Variants in ZNF831 observed in about 807,000 individuals in gnomAD.
ZNF831 encodes zinc finger protein 831.
ZNF831 carries 59 observed loss-of-function variants against 95.8 expected under a neutral mutation model. The ratio of observed to expected loss-of-function variants is 0.62; its 90% CI spans 0.50 to 0.77. The LOEUF is 0.77. Ranked by LOEUF, ZNF831 falls within the 30% of genes least tolerant of loss-of-function variation. ZNF831 has a pLI of 0.00. For missense variants in ZNF831, 2,205 were observed against 2,164.0 expected (o/e 1.02, Z -0.38); for synonymous variants, 961 against 925.5 (o/e 1.04, Z -0.70).
intron 1 of ZNF831, among the ~76,000 whole-genome samples, chr20:59,140,482 A>G: frequency 7.1e-6 from 1 of 141,358 alleles, no homozygotes; most frequent in East Asian, 1.9e-4. Flanking sequence ...TTCATAAATC[A>G]CCTGACTACT....
rs753975499 is a variant in ZNF831, at chr20:59,192,843, C to A, written c.1824C>A (p.Gly608=). ...GCAGAGCGGGCGGCAGGAAGTGCGGCCAGAGAAGGCTGAAGATGTTCTCCC... is the reference window on the plus strand; with the variant it reads ...GCAGAGCGGGCGGCAGGAAGTGCGGACAGAGAAGGCTGAAGATGTTCTCCC... The part of the protein sequence containing the change: ...GKGRAGGRKC[G]QRRLKMFSQE... Residue 608 remains glycine (G), a synonymous_variant, in exon 2 of 6, where the codon GGC becomes GGA. Transcript: ENST00000371030. The surrounding 1 kb of genome is among the most constrained non-coding windows in gnomAD (Gnocchi z 5.2). 1.9e-6 allele frequency: 3 copies of A among 1,605,010 alleles called. No individual in the cohort carries two copies. The highest frequency in any genetic ancestry group is 2.6e-6 in the Non-Finnish European group (3 of 1,176,038).
rs1988095969 is a variant in ZNF831, at chr20:59,254,707, C to T, written c.4998C>T (p.Ser1666=). 6.2e-7 allele frequency: 1 copy of T among 1,613,240 alleles called. No individual in the cohort carries two copies. Among genetic ancestry groups the T allele is most frequent in the Non-Finnish European group, 8.5e-7 (1 of 1,179,778 alleles). Residue 1666 remains serine, a synonymous_variant, in exon 6 of 6, where the codon AGC becomes AGT. Transcript: ENST00000371030. The surrounding 1 kb of genome is among the most constrained non-coding windows in gnomAD (Gnocchi z 4.5). The part of the protein sequence containing the change: ...KQTRVEFSDT[S]SDDEDRLVIE... ...CTCGAGTAGAGTTCAGTGACACCAG[C>T]AGCGACGATGAAGACCGATTAGTTA...
Position 59,192,419 on chromosome 20 carries a change from C to A in ZNF831, c.1400C>A (p.Pro467Gln), listed in dbSNP as rs1179775792. 6.2e-7 allele frequency: 1 copy of A among 1,611,096 alleles called. No homozygotes were observed. Among genetic ancestry groups the A allele is most frequent in the Non-Finnish European group, 8.5e-7 (1 of 1,179,010 alleles). The change falls in exon 2 of 6, where the codon CCG becomes CAG. Residue 467 changes from proline (P) to glutamine (Q), a missense_variant. By Grantham distance (76) the Pro-to-Gln change is moderately conservative. Transcript: ENST00000371030. The surrounding 1 kb of genome is among the most constrained non-coding windows in gnomAD (Gnocchi z 5.2). ...RALEPGRRRA[P>Q]GPVRSTWTPP... ...CTGGAGCCAGGCCGTAGGAGGGCCC[C>A]GGGCCCCGTGCGCTCCACCTGGACG...
Position 59,192,428 on chromosome 20 carries a change from T to G in ZNF831, c.1409T>G (p.Val470Gly), listed in dbSNP as rs1983657578. The change falls in exon 2 of 6, where the codon GTG becomes GGG. Residue 470 changes from valine (V) to glycine (G), a missense_variant. Coordinates refer to ENST00000371030, the MANE Select transcript of ZNF831 (RefSeq NM_178457.3). The surrounding 1 kb of genome is among the most constrained non-coding windows in gnomAD (Gnocchi z 5.2). ...EPGRRRAPGP[V>G]RSTWTPPDKS... ...GGCCGTAGGAGGGCCCCGGGCCCCGTGCGCTCCACCTGGACGCCCCCAGAC... is the reference window on the plus strand; with the variant it reads ...GGCCGTAGGAGGGCCCCGGGCCCCGGGCGCTCCACCTGGACGCCCCCAGAC... 6.2e-7 allele frequency: 1 copy of G among 1,609,678 alleles called. No individual in the cohort carries two copies. Among genetic ancestry groups the G allele is most frequent in the Admixed American group, 1.7e-5 (1 of 59,514 alleles).
chr20:59,211,049 GA>G lies in ZNF831; in HGVS notation c.4027+4009del, dbSNP rs529852271. Among the ~76,000 whole-genome samples, 103 of 60,748 alleles carry G rather than the reference GA, an allele frequency of 1.7e-3. 6 individuals are homozygous for G. The highest frequency in any genetic ancestry group is 0.024 in the Middle Eastern group (2 of 82). The allele number at this position is 60,748 out of a possible 152,430, so 39.9% of individuals were successfully genotyped here. On this transcript the variant is annotated intron_variant, in intron 4 of 5. Coordinates refer to ENST00000371030, the MANE Select transcript of ZNF831 (RefSeq NM_178457.3). ...AGCGAGACTCCGTCTCAAAAAAAAA[GA>G]AAAAAAAAAAAAAAACAAATCCAAG...
intron 4 of ZNF831, among the ~76,000 whole-genome samples, chr20:59,214,828 T>G (rs370786382): frequency 1.3e-5 from 2 of 152,244 alleles, no homozygotes; most frequent in South Asian, 2.1e-4. Flanking sequence ...GGTAGGGGGA[T>G]GAAGGCAACG....
At chr20:59,247,032 G>T (rs1987646269) in intron 4 of ZNF831, among the ~76,000 whole-genome samples, 1 of 152,100 alleles carries the variant, frequency 6.6e-6, no homozygotes, top group Non-Finnish European at 1.5e-5. Flanking sequence ...TCGTAAAGAG[G>T]CTTCATAAAC....
rs756976813 is a variant in ZNF831, at chr20:59,207,087, T to G, written c.4027+31T>G. On this transcript the variant is annotated intron_variant, in intron 4 of 5. Coordinates refer to ENST00000371030, the MANE Select transcript of ZNF831 (RefSeq NM_178457.3). ...GCTCTCTTTGGAGGTGCATCCAGAC[T>G]GGGCACTCGAAGGCACCCGCCCAAG... 6.8e-6 allele frequency: 11 copies of G among 1,607,150 alleles called. No individual in the cohort carries two copies. The South Asian group carries it at 1.2e-4, about 18-fold the overall frequency.
intron 4 of ZNF831, among the ~76,000 whole-genome samples, chr20:59,246,450 T>G (rs1987613976): frequency 6.6e-6 from 1 of 152,252 alleles, no homozygotes; most frequent in African/African-American, 2.4e-5. Context: ...CAAGAAACTT[T>G]TAAAAGAATG....
intron 4 of ZNF831, among the ~76,000 whole-genome samples, chr20:59,251,374 G>T (rs922128860): frequency 1.3e-5 from 2 of 152,126 alleles, no homozygotes; most frequent in Middle Eastern, 3.2e-3. Context: ...AAATCATATT[G>T]TCTCCAGACT....
chr20:59,213,191 A>G (rs765447086), intron 4 of ZNF831, among the ~76,000 whole-genome samples: 2 of 152,154 alleles, frequency 1.3e-5, no homozygotes, highest in Non-Finnish European at 2.9e-5. Flanking sequence ...CTACCCTACA[A>G]TTTTATGTAA....
intron 1 of ZNF831, among the ~76,000 whole-genome samples, chr20:59,131,976 T>C (rs894582676): frequency 5.3e-5 from 8 of 152,220 alleles, no homozygotes; most frequent in African/African-American, 1.9e-4. Context: ...CAGGAAAGCA[T>C]AAAGATAAAA....
At chr20:59,184,928 G>GT (rs1184419850) in intron 1 of ZNF831, among the ~76,000 whole-genome samples, 3 of 152,266 alleles carry the variant, frequency 2.0e-5, no homozygotes, top group South Asian at 2.1e-4. Context: ...ATAACTGTTT[G>GT]TGGGGGGGAA....
At chr20:59,166,299 C>T (rs1310214728) in intron 1 of ZNF831, among the ~76,000 whole-genome samples, 1 of 152,112 alleles carries the variant, frequency 6.6e-6, no homozygotes, top group Non-Finnish European at 1.5e-5. Context: ...ATAACATTGA[C>T]TCACACACTG....
intron 1 of ZNF831, among the ~76,000 whole-genome samples, chr20:59,183,921 A>T (rs943029737): frequency 2.0e-5 from 3 of 152,164 alleles, no homozygotes; most frequent in African/African-American, 7.2e-5. Flanking sequence ...AGTCTACACT[A>T]GGGTTCTCTC....
intron 4 of ZNF831, among the ~76,000 whole-genome samples, chr20:59,214,449 T>TG (rs1285902498): frequency 3.3e-5 from 5 of 152,170 alleles, no homozygotes; most frequent in Admixed American, 1.3e-4. Context: ...GCATAGGAAC[T>TG]GGGGGGCAGT....
At position 59,192,092 on chromosome 20, in the gene ZNF831, C is replaced by G. The variant is rs757084623; in HGVS notation, c.1073C>G (p.Ala358Gly). ...TCCGACAGCGCGGAGCAGCCGCATG[C>G]GCCCTGCAGCCCCCTGCACAGCCTT... ...SRSDSAEQPH[A>G]PCSPLHSLSE... The change falls in exon 2 of 6, where the codon GCG becomes GGG. Residue 358 changes from alanine to glycine, a missense_variant. By Grantham distance (60) the Ala-to-Gly change is moderately conservative (BLOSUM62 0). Coordinates refer to ENST00000371030, the MANE Select transcript of ZNF831 (RefSeq NM_178457.3). The surrounding 1 kb of genome is among the most constrained non-coding windows in gnomAD (Gnocchi z 5.2). 1 of 1,599,602 alleles carries G rather than the reference C, an allele frequency of 6.3e-7. No homozygotes were observed. Among genetic ancestry groups the G allele is most frequent in the Non-Finnish European group, 8.5e-7 (1 of 1,176,418 alleles).
At chr20:59,172,428 G>A (rs1184347909) in intron 1 of ZNF831, among the ~76,000 whole-genome samples, 1 of 152,154 alleles carries the variant, frequency 6.6e-6, no homozygotes, top group Non-Finnish European at 1.5e-5. Context: ...TCCTGGCCTG[G>A]AAAAAGAGCA....
At chr20:59,237,324 C>A (rs1027170364) in intron 4 of ZNF831, among the ~76,000 whole-genome samples, 5 of 152,218 alleles carry the variant, frequency 3.3e-5, no homozygotes, top group Middle Eastern at 3.4e-3. Context: ...TCTCCACAGA[C>A]CTATCCCTGT....
Sources: allele counts gnomAD v4.1 joint callset (sites outside exome capture counted in the v4.1 genomes callset), GRCh38; gene constraint gnomAD v4.1.1; non-coding constraint Gnocchi (gnomAD v3.1); transcripts MANE v1.5; gene names NCBI Gene and HGNC (gene_info 2026-07-23, HGNC 2026-07-21).